ADAM18: variants seen among roughly 807,000 people sequenced by gnomAD.
ADAM18 encodes the protein disintegrin and metalloproteinase domain-containing protein 18.
ADAM18 carries 117 observed loss-of-function variants against 94.4 expected under a neutral mutation model. The ratio of observed to expected loss-of-function variants is 1.24; its 90% confidence interval spans 1.07 to 1.45. The LOEUF (loss-of-function observed/expected upper bound fraction) is 1.45, where lower values mean the gene tolerates loss of function less well. ADAM18 is among the 40% of genes most tolerant of loss of function. The probability of loss-of-function intolerance (pLI) is 0.00; values close to 1 mark genes in which losing one functional copy is unlikely to be tolerated. For missense variants in ADAM18, 936 were observed against 880.0 expected (o/e 1.06, Z -0.81); for synonymous variants, 327 against 291.6 (o/e 1.12, Z -1.24).
chr8:39,679,889 T>G, intron 15 of ADAM18, 148 bp from the exon 16 acceptor site: 1 of 706,176 alleles, frequency 1.4e-6, no homozygotes, highest in Non-Finnish European at 2.4e-6. Flanking sequence ...CATTTAGTTG[T>G]TGTGCACCAT....
chr8:39,687,035 A>G (rs924714437), intron 16 of ADAM18, among the ~76,000 whole-genome samples: 1 of 152,220 alleles, frequency 6.6e-6, no homozygotes, highest in Admixed American at 6.5e-5. Context: ...TTGTCCAACT[A>G]GACTTCCAGA....
At chr8:39,620,607 C>A (rs1283026460) in intron 6 of ADAM18, among the ~76,000 whole-genome samples, 1 of 145,098 alleles carries the variant, frequency 6.9e-6, no homozygotes, top group Admixed American at 6.9e-5. Context: ...TATTATATAA[C>A]AATTTATATA....
At chr8:39,610,342 A>G (rs976286138) in intron 5 of ADAM18, among the ~76,000 whole-genome samples, 187 bp from the exon 6 acceptor site, 2 of 152,156 alleles carry the variant, frequency 1.3e-5, no homozygotes, top group African/African-American at 4.8e-5. Flanking sequence ...AAGCAAAACG[A>G]AGCCAGATAT....
chr8:39,650,713 A>C (rs1820508574), intron 12 of ADAM18, among the ~76,000 whole-genome samples: 1 of 152,204 alleles, frequency 6.6e-6, no homozygotes. Context: ...ATAGTGGCTA[A>C]AGTGATCTAC....
chr8:39,723,686 A>G (rs1486841840), intron 18 of ADAM18, 62 bp from the exon 19 acceptor site: 1 of 1,203,548 alleles, frequency 8.3e-7, no homozygotes, highest in African/African-American at 1.6e-5. Context: ...TAAGTGAAAA[A>G]ATATAAATTT....
chr8:39,692,777 G>GTTGA, intron 17 of ADAM18, 97 bp downstream of exon 17: 1 of 886,968 alleles, frequency 1.1e-6, no homozygotes, highest in East Asian at 2.7e-5. Flanking sequence ...GACTTGCCTA[G>GTTGA]CTCTGGTAGA....
chr8:39,711,966 C>T (rs1389886744), intron 18 of ADAM18, among the ~76,000 whole-genome samples: 3 of 148,822 alleles, frequency 2.0e-5, no homozygotes, highest in Non-Finnish European at 4.5e-5. Context: ...GGCGCAAGCA[C>T]TAAAAAATAT....
At chr8:39,644,438 T>C (rs1039309945) in intron 10 of ADAM18, among the ~76,000 whole-genome samples, 4 of 152,056 alleles carry the variant, frequency 2.6e-5, no homozygotes, top group African/African-American at 4.8e-5. Context: ...CAAGTGTGCA[T>C]CATCTTGCTG....
chr8:39,650,696 AATATCTATAGTGGCTAAAGTG>A (rs1287707256), intron 12 of ADAM18, among the ~76,000 whole-genome samples: 2 of 152,226 alleles, frequency 1.3e-5, no homozygotes, highest in South Asian at 4.1e-4. Flanking sequence ...ATATTGTTAA[AATATCTATAGTGGCTAAAGTG>A]ATCTACATGT....
rs779692450 is a variant in ADAM18 at position 39,629,359 on chromosome 8, G to A, written c.523-15G>A. On this transcript the variant is annotated splice_polypyrimidine_tract_variant and intron_variant, in intron 6 of 19. Transcript: ENST00000265707. ...ATGTTAACATTTTATAAATCCCGTT[G>A]TTGTTGTTTTCCAGATAAAAAATCT... 3.3e-6 allele frequency: 5 copies of A among 1,537,774 alleles called. No homozygotes were observed. In the East Asian group the frequency reaches 1.2e-4, roughly 36 times the overall value.
intron 13 of ADAM18, among the ~76,000 whole-genome samples, chr8:39,664,922 T>A (rs1292540808): frequency 7.0e-6 from 1 of 141,990 alleles, no homozygotes; most frequent in Non-Finnish European, 1.6e-5. Context: ...ATATTCTATG[T>A]ATTTTTTTTG....
chr8:39,708,137 T>C (rs1822292157), intron 18 of ADAM18, among the ~76,000 whole-genome samples: 1 of 152,220 alleles, frequency 6.6e-6, no homozygotes, highest in South Asian at 2.1e-4. Flanking sequence ...TTAAAACTTA[T>C]GAATTGTTGA....
chr8:39,721,921 GA>G (rs1234441580), intron 18 of ADAM18, among the ~76,000 whole-genome samples: 1 of 150,880 alleles, frequency 6.6e-6, no homozygotes, highest in East Asian at 1.9e-4. Context: ...CAAAAGAAGA[GA>G]AATCATTATA....
At chr8:39,709,669 T>C (rs1410994585) in intron 18 of ADAM18, among the ~76,000 whole-genome samples, 1 of 152,212 alleles carries the variant, frequency 6.6e-6, no homozygotes, top group African/African-American at 2.4e-5. Context: ...AAAATTGAGA[T>C]TCACATTTTA....
At chr8:39,637,948 T>G (rs374056663) in intron 9 of ADAM18, among the ~76,000 whole-genome samples, 1 of 152,010 alleles carries the variant, frequency 6.6e-6, no homozygotes, top group Admixed American at 6.6e-5. Context: ...TGAACTTCTG[T>G]AATGTTGACT....
At chr8:39,592,726 A>G (rs979905221) in intron 2 of ADAM18, among the ~76,000 whole-genome samples, 5 of 152,182 alleles carry the variant, frequency 3.3e-5, no homozygotes, top group Admixed American at 1.3e-4. Context: ...ACTGGGAACA[A>G]TGTCCAATAT....
chr8:39,724,746 A>G (rs540754373), intron 19 of ADAM18, among the ~76,000 whole-genome samples: 20 of 152,002 alleles, frequency 1.3e-4, no homozygotes, highest in African/African-American at 4.3e-4. Context: ...TTTTGATAGC[A>G]TATATTTTCA....
intron 17 of ADAM18, among the ~76,000 whole-genome samples, chr8:39,702,752 A>C (rs534753199): frequency 2.2e-4 from 34 of 152,094 alleles, no homozygotes; most frequent in Admixed American, 5.2e-4. Flanking sequence ...TCCACTCCCC[A>C]TTGTTTGTTT....
intron 18 of ADAM18, among the ~76,000 whole-genome samples, chr8:39,710,676 T>C (rs531143758): frequency 6.6e-6 from 1 of 152,030 alleles, no homozygotes; most frequent in East Asian, 1.9e-4. Flanking sequence ...TGCTTCAGGG[T>C]GGGGTGGGAG....
Sources: allele counts gnomAD v4.1 joint callset (sites outside exome capture counted in the v4.1 genomes callset), GRCh38; gene constraint gnomAD v4.1.1; transcripts MANE v1.5; gene names NCBI Gene and HGNC (gene_info 2026-07-23, HGNC 2026-07-21).